Variants in NEGR1 observed in about 807,000 individuals in gnomAD.
NEGR1 encodes the protein neuronal growth regulator 1, also known as IgLON family member 4.
NEGR1 carries 10 observed loss-of-function variants against 40.9 expected under a neutral mutation model. The ratio of observed to expected loss-of-function variants is 0.24; its 90% CI spans 0.15 to 0.42. The LOEUF (loss-of-function observed/expected upper bound fraction) is 0.42, where lower values mean the gene tolerates loss of function less well. NEGR1 is among the 10% of genes least tolerant of loss of function. NEGR1 has a pLI of 1.00. For synonymous variants in NEGR1, 185 were observed against 166.8 expected (o/e 1.11, Z -0.84); for missense variants, 352 against 438.9 (o/e 0.80, Z 1.77).
chr1:71,424,173 A>G (rs1646415131), intron 6 of NEGR1, among the ~76,000 whole-genome samples: 3 of 152,194 alleles, frequency 2.0e-5, no homozygotes, highest in Admixed American at 1.3e-4. Context: ...AATCAATTCA[A>G]TCAATTCAAT....
intron 4 of NEGR1, among the ~76,000 whole-genome samples, chr1:71,663,649 T>C (rs1418554401): frequency 6.6e-6 from 1 of 152,226 alleles, no homozygotes; most frequent in Non-Finnish European, 1.5e-5. Context: ...TTTCTGATAG[T>C]CTTTTACAAT....
chr1:71,622,559 T>C (rs1650643412), intron 4 of NEGR1, among the ~76,000 whole-genome samples: 1 of 151,928 alleles, frequency 6.6e-6, no homozygotes, highest in Non-Finnish European at 1.5e-5. Flanking sequence ...TGAAAATATG[T>C]TTCTACTTGT....
chr1:71,420,652 G>A (rs892937822), intron 6 of NEGR1, among the ~76,000 whole-genome samples: 12 of 151,916 alleles, frequency 7.9e-5, no homozygotes, highest in South Asian at 2.1e-4. Context: ...GGCTTATGTC[G>A]TTTTATAGCC....
At chr1:71,432,986 A>G (rs552959545) in intron 6 of NEGR1, among the ~76,000 whole-genome samples, 5 of 152,312 alleles carry the variant, frequency 3.3e-5, no homozygotes, top group Non-Finnish European at 5.9e-5. Flanking sequence ...CCTCCCATAA[A>G]ACTTTGTCTC....
chr1:71,664,228 CTTTACACTGAGTGAAAGCA>C (rs1399080094), intron 4 of NEGR1, among the ~76,000 whole-genome samples: 2 of 152,140 alleles, frequency 1.3e-5, no homozygotes, highest in African/African-American at 4.8e-5. Context: ...AATACAATGC[CTTTACACTGAGTGAAAGCA>C]TGTGGGATGA....
chr1:71,913,458 A>G (rs1469444716), intron 2 of NEGR1, among the ~76,000 whole-genome samples: 1 of 152,140 alleles, frequency 6.6e-6, no homozygotes, highest in African/African-American at 2.4e-5. Context: ...CTTACTTAAT[A>G]CAAACAAGAC....
At chr1:72,085,462 G>A (rs1028814804) in intron 1 of NEGR1, among the ~76,000 whole-genome samples, 4 of 152,112 alleles carry the variant, frequency 2.6e-5, no homozygotes, top group African/African-American at 9.7e-5. Context: ...TTTTAAACAA[G>A]TTTTTCTTAC....
At chr1:71,444,016 G>A (rs1646564840) in intron 6 of NEGR1, among the ~76,000 whole-genome samples, 2 of 152,120 alleles carry the variant, frequency 1.3e-5, no homozygotes, top group South Asian at 2.1e-4. Flanking sequence ...TCACATGTGT[G>A]CATCATTTAT....
At chr1:71,958,159 A>T (rs1046862162) in intron 1 of NEGR1, among the ~76,000 whole-genome samples, 1 of 152,194 alleles carries the variant, frequency 6.6e-6, no homozygotes, top group Non-Finnish European at 1.5e-5. Context: ...CACTGAGTAC[A>T]GTTATAGCAT....
intron 2 of NEGR1, among the ~76,000 whole-genome samples, chr1:71,779,102 G>A (rs1215991520): frequency 1.3e-5 from 2 of 152,132 alleles, no homozygotes; most frequent in Admixed American, 6.5e-5. Flanking sequence ...CCTCTGACAA[G>A]GCTCCTCTCC....
intron 1 of NEGR1, among the ~76,000 whole-genome samples, chr1:72,080,617 A>G (rs1251141677): frequency 1.3e-5 from 2 of 152,110 alleles, no homozygotes; most frequent in Non-Finnish European, 2.9e-5. Context: ...GAAAGGAAGT[A>G]TGCTGGTTAA....
chr1:71,643,142 T>C (rs1388650589), intron 4 of NEGR1, among the ~76,000 whole-genome samples: 1 of 151,986 alleles, frequency 6.6e-6, no homozygotes, highest in African/African-American at 2.4e-5. Flanking sequence ...TGATATAAAA[T>C]GGATTAAAAC....
intron 1 of NEGR1, among the ~76,000 whole-genome samples, chr1:72,103,703 T>C (rs1649028447): frequency 6.6e-6 from 1 of 152,118 alleles, no homozygotes; most frequent in Admixed American, 6.6e-5. Flanking sequence ...TTAGTTTCTC[T>C]CTATTTCTCA....
chr1:72,041,946 G>C lies in NEGR1; in HGVS notation c.177-106635C>G, dbSNP rs151236609. On this transcript the variant is annotated intron_variant, in intron 1 of 6. Coordinates refer to ENST00000357731, the MANE Select transcript of NEGR1 (RefSeq NM_173808.3). ...GTTTATATATAATATATATTTGAGAGTCTCAAATATATATTATATATAAAT... is the reference window on the plus strand; with the variant it reads ...GTTTATATATAATATATATTTGAGACTCTCAAATATATATTATATATAAAT... Among the ~76,000 whole-genome samples, 434 of 121,216 alleles carry C rather than the reference G, an allele frequency of 3.6e-3. 2 individuals are homozygous for C. Among genetic ancestry groups the C allele is most frequent in the African/African-American group, 7.6e-3 (243 of 32,066 alleles). 79.5% of individuals were successfully genotyped at this position (121,216 alleles called of 152,430 possible).
chr1:71,613,399 C>A (rs1389315971), intron 4 of NEGR1, among the ~76,000 whole-genome samples: 1 of 152,020 alleles, frequency 6.6e-6, no homozygotes, highest in Non-Finnish European at 1.5e-5. Flanking sequence ...ATAATCCCAG[C>A]ACTTTGGGAG....
chr1:71,756,779 C>T (rs1020356099), intron 3 of NEGR1, among the ~76,000 whole-genome samples: 2 of 151,456 alleles, frequency 1.3e-5, no homozygotes, highest in African/African-American at 4.9e-5. Flanking sequence ...ATCTTCAGAG[C>T]TTCAGCACTG....
chr1:71,760,763 T>A (rs1385649302), intron 3 of NEGR1, among the ~76,000 whole-genome samples: 1 of 152,152 alleles, frequency 6.6e-6, no homozygotes, highest in Non-Finnish European at 1.5e-5. Context: ...GCAAGGTTCA[T>A]AAAGAATTAC....
At chr1:71,729,600 C>T (rs1654786472) in intron 3 of NEGR1, among the ~76,000 whole-genome samples, 1 of 151,952 alleles carries the variant, frequency 6.6e-6, no homozygotes, top group African/African-American at 2.4e-5. Context: ...GGTAAATTAA[C>T]AAAACTCATT....
At chr1:72,078,966 A>G (rs1647869201) in intron 1 of NEGR1, among the ~76,000 whole-genome samples, 1 of 151,340 alleles carries the variant, frequency 6.6e-6, no homozygotes, top group African/African-American at 2.4e-5. Context: ...AACTATCTCC[A>G]TTTCAACATA....
Sources: gnomAD v4.1 joint callset for allele counts (sites outside exome capture counted in the v4.1 genomes callset) on GRCh38, gnomAD v4.1.1 for gene constraint, MANE v1.5 for transcripts, NCBI Gene and HGNC (gene_info 2026-07-23, HGNC 2026-07-21) for gene names.